Variants in KCNMA1 observed in about 807,000 individuals in gnomAD.
KCNMA1 encodes the protein Calcium-activated potassium channel subunit alpha-1.
A neutral mutation model predicts 140.0 loss-of-function variants in KCNMA1; 29 were observed. The ratio of observed to expected loss-of-function variants is 0.21; its 90% CI spans 0.15 to 0.28. The LOEUF is 0.28. Ranked by LOEUF, KCNMA1 falls within the 10% of genes least tolerant of loss-of-function variation. KCNMA1 has a pLI of 1.00. For synonymous variants in KCNMA1, 612 were observed against 611.9 expected, an observed-to-expected ratio of 1.00 and a Z score of 0.00; for missense variants, 880 against 1,602.2, an observed-to-expected ratio of 0.55 and a Z score of 7.70.
At chr10:77,030,354 G>C (rs377713511) in intron 15 of KCNMA1, among the ~76,000 whole-genome samples, 1 of 152,180 alleles carries the variant, frequency 6.6e-6, no homozygotes, top group Non-Finnish European at 1.5e-5. Flanking sequence ...TACTTCTGGA[G>C]CTTAAATTGT....
chr10:77,272,663 T>C (rs773453529), intron 2 of KCNMA1, among the ~76,000 whole-genome samples: 1 of 152,154 alleles, frequency 6.6e-6, no homozygotes, highest in African/African-American at 2.4e-5. Flanking sequence ...CATGCATCTA[T>C]ATATGTGTAT....
At chr10:77,161,883 A>G (rs893415295) in intron 5 of KCNMA1, among the ~76,000 whole-genome samples, 1 of 152,244 alleles carries the variant, frequency 6.6e-6, no homozygotes, top group Non-Finnish European at 1.5e-5. Context: ...CTATAACTAG[A>G]TTAAGCTACT....
At chr10:77,165,803 G>A (rs2098634912) in intron 5 of KCNMA1, among the ~76,000 whole-genome samples, 1 of 152,208 alleles carries the variant, frequency 6.6e-6, no homozygotes, top group Non-Finnish European at 1.5e-5. Flanking sequence ...TCTTATAAGA[G>A]TTATTTTCTG....
intron 2 of KCNMA1, among the ~76,000 whole-genome samples, chr10:77,258,615 G>T (rs1211501607): frequency 1.3e-5 from 2 of 152,278 alleles, no homozygotes; most frequent in South Asian, 4.1e-4. Context: ...TTACTGTTTA[G>T]CAAGTATAGT....
At chr10:76,967,085 C>A (rs78784009) in intron 20 of KCNMA1, among the ~76,000 whole-genome samples, 1 of 152,172 alleles carries the variant, frequency 6.6e-6, no homozygotes, top group Non-Finnish European at 1.5e-5. Flanking sequence ...GGAGCCTTCA[C>A]GCAGGAGTCT....
intron 1 of KCNMA1, among the ~76,000 whole-genome samples, chr10:77,589,611 C>G (rs1302507216): frequency 6.6e-6 from 1 of 152,136 alleles, no homozygotes; most frequent in Non-Finnish European, 1.5e-5. Flanking sequence ...AAGAATGAAG[C>G]CGCAGACCCT....
intron 25 of KCNMA1, among the ~76,000 whole-genome samples, chr10:76,895,343 T>A: frequency 6.6e-6 from 1 of 152,170 alleles, no homozygotes; most frequent in African/African-American, 2.4e-5. Flanking sequence ...CTGCAGCTCG[T>A]CCTGCTACAC....
intron 5 of KCNMA1, among the ~76,000 whole-genome samples, chr10:77,154,667 G>A (rs1186498003): frequency 6.6e-6 from 1 of 152,132 alleles, no homozygotes; most frequent in African/African-American, 2.4e-5. Context: ...TAGAGGCAGA[G>A]ATATTTCATG....
intron 14 of KCNMA1, among the ~76,000 whole-genome samples, chr10:77,068,143 G>A (rs2096031428): frequency 6.6e-6 from 1 of 152,172 alleles, no homozygotes; most frequent in African/African-American, 2.4e-5. Context: ...TTAACCCATA[G>A]TGCCTGCCAC....
intron 1 of KCNMA1, among the ~76,000 whole-genome samples, chr10:77,510,535 T>C (rs2047988443): frequency 6.6e-6 from 1 of 152,134 alleles, no homozygotes; most frequent in Admixed American, 6.5e-5. Flanking sequence ...AGCACAAAGA[T>C]TGTTATCTTC....
chr10:76,893,533 G>A (rs2041134692), intron 25 of KCNMA1, among the ~76,000 whole-genome samples: 1 of 152,056 alleles, frequency 6.6e-6, no homozygotes. Context: ...GTGAGGTCAG[G>A]AGTTGGGACC....
chr10:76,885,963 C>T lies in KCNMA1; in HGVS notation c.*1303G>A, dbSNP rs1481425127. ...GCTCTCTATTGCCGTCATTACCCTG[C>T]CTAAATTGGCTACATTAAAGAAAGT... On this transcript the variant is annotated 3_prime_UTR_variant, in exon 28 of 28. Transcript: ENST00000286628. 3 of 985,314 alleles carry T rather than the reference C, an allele frequency of 3.0e-6. No individual in the cohort carries two copies. Among genetic ancestry groups the T allele is most frequent in the Admixed American group, 6.1e-5 (1 of 16,266 alleles). The allele number at this position is 985,314 out of a possible 1,614,324, so 61.0% of individuals were successfully genotyped here. A position where few individuals can be genotyped will look rare whatever the true frequency, so the allele number is the denominator to read the frequency against.
intron 1 of KCNMA1, among the ~76,000 whole-genome samples, chr10:77,505,117 C>T (rs982556292): frequency 2.6e-5 from 4 of 152,198 alleles, no homozygotes; most frequent in Admixed American, 6.5e-5. Context: ...TCACCTTTTC[C>T]ACCTACTCAT....
chr10:77,039,975 T>C (rs2094570321), intron 14 of KCNMA1, among the ~76,000 whole-genome samples: 1 of 130,862 alleles, frequency 7.6e-6, no homozygotes, highest in Non-Finnish European at 1.6e-5. Flanking sequence ...CTTGGACACC[T>C]GCACTGAAGC....
At chr10:77,604,296 A>G (rs141959584) in intron 1 of KCNMA1, among the ~76,000 whole-genome samples, 42 of 152,374 alleles carry the variant, frequency 2.8e-4, no homozygotes, top group African/African-American at 9.4e-4. Flanking sequence ...CACAGTGGGC[A>G]TAAAAAGCCT....
chr10:76,977,261 G>T (rs1240550599), intron 19 of KCNMA1, among the ~76,000 whole-genome samples: 1 of 152,090 alleles, frequency 6.6e-6, no homozygotes. Context: ...CAAGTTCAGG[G>T]GTCAGCAAAC....
chr10:77,631,956 A>G (rs1287635383), intron 1 of KCNMA1, among the ~76,000 whole-genome samples: 2 of 152,216 alleles, frequency 1.3e-5, no homozygotes, highest in African/African-American at 4.8e-5. Flanking sequence ...AAACCACCCC[A>G]TGAGGCTGTG....
chr10:77,044,149 G>T (rs1443213838), intron 14 of KCNMA1, among the ~76,000 whole-genome samples: 2 of 152,142 alleles, frequency 1.3e-5, no homozygotes, highest in Non-Finnish European at 2.9e-5. Context: ...CAAGTCAGGA[G>T]TGAGAACCCA....
intron 1 of KCNMA1, among the ~76,000 whole-genome samples, chr10:77,469,945 C>T (rs1425002485): frequency 6.6e-6 from 1 of 152,110 alleles, no homozygotes; most frequent in East Asian, 1.9e-4. Context: ...GGCTGGGCTA[C>T]CCAGGGATAC....
Sources: allele counts gnomAD v4.1 joint callset (sites outside exome capture counted in the v4.1 genomes callset), GRCh38; gene constraint gnomAD v4.1.1; transcripts MANE v1.5; gene names NCBI Gene and HGNC (gene_info 2026-07-23, HGNC 2026-07-21).